WDR76: variants seen among roughly 807,000 people sequenced by gnomAD.
The protein encoded by WDR76 is WD repeat-containing protein 76.
A neutral mutation model predicts 70.2 loss-of-function variants in WDR76; 52 were observed. The observed-to-expected ratio is 0.74, with a 90% CI of 0.59 to 0.93. The LOEUF (loss-of-function observed/expected upper bound fraction) is 0.93. Among genes scored for constraint, WDR76 ranks in the 40% least tolerant of loss-of-function variants. The pLI is 0.00. For synonymous variants in WDR76, 292 were observed against 271.1 expected (o/e 1.08, Z -0.76); for missense variants, 756 against 760.2 (o/e 0.99, Z 0.07).
intron 8 of WDR76, among the ~76,000 whole-genome samples, chr15:43,844,300 C>T (rs1418272870): frequency 6.6e-6 from 1 of 152,166 alleles, no homozygotes; most frequent in Admixed American, 6.6e-5. Context: ...AACTTTGTTA[C>T]ACTTTGTGTG....
At position 43,827,052 on chromosome 15, in the gene WDR76, C is replaced by T. The variant is rs150338651; in HGVS notation, c.20C>T (p.Ala7Val). The T allele has an allele frequency of 4.2e-5, 68 of 1,614,014 alleles. No homozygotes were observed. Among genetic ancestry groups the T allele is most frequent in the Admixed American group, 2.0e-4 (12 of 60,002 alleles). Residue 7 changes from alanine to valine, a missense_variant, in exon 1 of 13, where the codon GCG (alanine) becomes GTG (valine). By Grantham distance (64) the Ala-to-Val change is moderately conservative. Coordinates refer to ENST00000263795, the MANE Select transcript of WDR76 (RefSeq NM_024908.4). MSRSGA[A>V]AEKADSRQRP... is the part of the protein sequence containing the mutation. Reference sequence around the variant, plus strand: ...CGAAAGATGTCCAGGTCGGGCGCGGCGGCTGAGAAGGCGGACTCCAGACAG... The same window carrying T: ...CGAAAGATGTCCAGGTCGGGCGCGGTGGCTGAGAAGGCGGACTCCAGACAG...
At chr15:43,839,907 G>T (rs561179064) in intron 5 of WDR76, among the ~76,000 whole-genome samples, 179 bp downstream of exon 5, 1 of 152,186 alleles carries the variant, frequency 6.6e-6, no homozygotes, top group African/African-American at 2.4e-5. Context: ...GCCCAGACTG[G>T]AGTGCAGTGG....
rs961966768 is a variant in WDR76 at position 43,827,055 on chromosome 15, C to T, written c.23C>T (p.Ala8Val). MSRSGAA[A>V]EKADSRQRPQ... ...AAGATGTCCAGGTCGGGCGCGGCGGCTGAGAAGGCGGACTCCAGACAGCGA... is the reference window on the plus strand; with the variant it reads ...AAGATGTCCAGGTCGGGCGCGGCGGTTGAGAAGGCGGACTCCAGACAGCGA... Residue 8 changes from alanine to valine, a missense_variant, in exon 1 of 13, where the codon GCT becomes GTT. Physicochemically the swap from Ala to Val is moderately conservative, Grantham distance 64. Coordinates refer to ENST00000263795, the MANE Select transcript of WDR76 (RefSeq NM_024908.4). 3 of 1,614,178 alleles carry T rather than the reference C, an allele frequency of 1.9e-6. No individual in the cohort carries two copies. Among genetic ancestry groups the T allele is most frequent in the Middle Eastern group, 1.6e-4 (1 of 6,062 alleles).
chr15:43,840,799 A>G (rs1856900072), intron 5 of WDR76, among the ~76,000 whole-genome samples: 1 of 152,084 alleles, frequency 6.6e-6, no homozygotes, highest in South Asian at 2.1e-4. Context: ...GGCAACATCA[A>G]GAGACCCTGT....
At chr15:43,837,530 G>A (rs189924389) in intron 4 of WDR76, among the ~76,000 whole-genome samples, 14 of 152,150 alleles carry the variant, frequency 9.2e-5, no homozygotes, top group East Asian at 5.8e-4. Context: ...GTAATGTAGC[G>A]CAGAAGTGTA....
At chr15:43,827,289 CCTTT>C (rs1419371554) in intron 1 of WDR76, among the ~76,000 whole-genome samples, 197 bp downstream of exon 1, 4 of 152,280 alleles carry the variant, frequency 2.6e-5, no homozygotes, top group Middle Eastern at 6.8e-3. Flanking sequence ...TCTGGGATTC[CCTTT>C]CTTCAACCTT....
At chr15:43,837,998 C>G (rs1319728223) in intron 4 of WDR76, among the ~76,000 whole-genome samples, 1 of 150,702 alleles carries the variant, frequency 6.6e-6, no homozygotes, top group Non-Finnish European at 1.5e-5. Context: ...GCCTCAGCCT[C>G]CCGAGTAACT....
intron 8 of WDR76, among the ~76,000 whole-genome samples, chr15:43,847,268 C>CT (rs998534821): frequency 1.3e-4 from 19 of 150,134 alleles, no homozygotes; most frequent in Admixed American, 6.7e-4. Context: ...GCTTTTTTTT[C>CT]TTTTTTTTTG....
Position 43,828,064 on chromosome 15 carries a change from T to C in WDR76, c.160T>C (p.Phe54Leu). Residue 54 changes from phenylalanine to leucine, a missense_variant, in exon 2 of 13, where the codon TTT (phenylalanine) becomes CTT (leucine). Coordinates refer to ENST00000263795, the MANE Select transcript of WDR76 (RefSeq NM_024908.4). Reference sequence around the variant, plus strand: ...AACAGCTAAGGTCTATCTTGCCCCCTTTTCACTCAGTAATTACCAGCTAGA... The same window carrying C: ...AACAGCTAAGGTCTATCTTGCCCCCCTTTCACTCAGTAATTACCAGCTAGA... ...IKTAKVYLAP[F>L]SLSNYQLDQL... 1.2e-6 allele frequency: 2 copies of C among 1,614,150 alleles called. No homozygotes were observed. The highest frequency in any genetic ancestry group is 1.7e-6 in the Non-Finnish European group (2 of 1,180,028).
At chr15:43,841,147 A>T (rs2087719252) in intron 5 of WDR76, among the ~76,000 whole-genome samples, 1 of 148,716 alleles carries the variant, frequency 6.7e-6, no homozygotes, top group Non-Finnish European at 1.5e-5. Context: ...GAGCCTCCAG[A>T]GTAGCTGGGA....
At chr15:43,827,525 C>T (rs1042708326) in intron 1 of WDR76, among the ~76,000 whole-genome samples, 1 of 152,080 alleles carries the variant, frequency 6.6e-6, no homozygotes, top group African/African-American at 2.4e-5. Flanking sequence ...AATAAGTTTT[C>T]TTACGAAGGG....
At position 43,866,617 on chromosome 15, in the gene WDR76, C is replaced by T; in HGVS notation, c.*225C>T. ...ATTTGAGGGGAGGCTGAGGTGCCGT[C>T]AGGACTTTTTTTTTTTTTTTTTTTT... On this transcript the variant is annotated 3_prime_UTR_variant, in exon 13 of 13. Transcript: ENST00000263795. 8.2e-6 allele frequency: 3 copies of T among 364,380 alleles called. No individual in the cohort carries two copies. Among genetic ancestry groups the T allele is most frequent in the South Asian group, 4.6e-5 (1 of 21,888 alleles). The allele number at this position is 364,380 out of a possible 1,614,324, so 22.6% of individuals were successfully genotyped here. A position where few individuals can be genotyped will look rare whatever the true frequency, so the allele number is the denominator to read the frequency against.
intron 9 of WDR76, among the ~76,000 whole-genome samples, chr15:43,851,465 G>A (rs1359876745): frequency 1.3e-5 from 2 of 152,136 alleles, no homozygotes; most frequent in Non-Finnish European, 2.9e-5. Flanking sequence ...CTGTGAAATG[G>A]GATTTAACAG....
intron 8 of WDR76, among the ~76,000 whole-genome samples, chr15:43,849,645 T>A (rs949962449): frequency 6.6e-6 from 1 of 152,160 alleles, no homozygotes; most frequent in Non-Finnish European, 1.5e-5. Flanking sequence ...TTCAAGCAAT[T>A]CTCTGCCTCA....
At chr15:43,827,200 C>CG in intron 1 of WDR76, 108 bp downstream of exon 1, 1 of 1,413,808 alleles carries the variant, frequency 7.1e-7, no homozygotes, top group Non-Finnish European at 9.9e-7. Flanking sequence ...CGGGGGTAGG[C>CG]GGGGGATCCC....
chr15:43,853,912 A>G lies in WDR76; in HGVS notation c.1191+2667A>G, dbSNP rs140972947. 3.9e-3 allele frequency among the ~76,000 whole-genome samples: 591 copies of G among 151,792 alleles called. 5 individuals carry two copies. Among genetic ancestry groups the G allele is most frequent in the Middle Eastern group, 6.8e-3 (2 of 294 alleles). Reference sequence around the variant, plus strand: ...CAGAGCGAGACTGTCTCAAAAAAAAAAAACAAAAAAAAACAAAAAAACCCC... The same window carrying G: ...CAGAGCGAGACTGTCTCAAAAAAAAGAAACAAAAAAAAACAAAAAAACCCC... On this transcript the variant is annotated intron_variant, in intron 9 of 12. Coordinates refer to ENST00000263795, the MANE Select transcript of WDR76 (RefSeq NM_024908.4).
chr15:43,857,044 G>A lies in WDR76; in HGVS notation c.1290G>A (p.Leu430=). ...IVGHWDGNMS[L]VDRRTPGTSY... ...GACACTGGGATGGAAATATGTCACT[G>A]GTGGATAGACGGACACCTGGAACTT... Residue 430 remains leucine (L), a synonymous_variant, in exon 10 of 13, where the codon CTG becomes CTA. Coordinates refer to ENST00000263795, the MANE Select transcript of WDR76 (RefSeq NM_024908.4). 6.2e-7 allele frequency: 1 copy of A among 1,614,100 alleles called. No individual in the cohort carries two copies. The highest frequency in any genetic ancestry group is 8.5e-7 in the Non-Finnish European group (1 of 1,179,998).
intron 4 of WDR76, among the ~76,000 whole-genome samples, chr15:43,838,139 C>G (rs2087681122): frequency 6.6e-6 from 1 of 152,110 alleles, no homozygotes; most frequent in East Asian, 1.9e-4. Flanking sequence ...TCCCAAAGTG[C>G]TGGGATTACA....
intron 4 of WDR76, among the ~76,000 whole-genome samples, chr15:43,837,157 A>G (rs1440683661): frequency 6.6e-6 from 1 of 152,122 alleles, no homozygotes; most frequent in Non-Finnish European, 1.5e-5. Flanking sequence ...TCTCCATTGC[A>G]TTTTAGCAGT....
Sources: gnomAD v4.1 joint callset for allele counts (sites outside exome capture counted in the v4.1 genomes callset) on GRCh38, gnomAD v4.1.1 for gene constraint, MANE v1.5 for transcripts, NCBI Gene and HGNC (gene_info 2026-07-23, HGNC 2026-07-21) for gene names.